The following AGAP1 variants were observed in gnomAD, a reference collection of about 807,000 sequenced individuals.
AGAP1 encodes ArfGAP with GTPase domain, ankyrin repeat and PH domain 1.
A neutral mutation model predicts 105.3 loss-of-function variants in AGAP1; 29 were observed. That is an observed-to-expected ratio of 0.28 (90% CI 0.21 to 0.38). AGAP1 has a LOEUF of 0.38. AGAP1 is among the 10% of genes least tolerant of loss of function. The pLI, the probability that AGAP1 is intolerant of heterozygous loss-of-function variation, is 1.00. For missense variants in AGAP1, 998 were observed against 1,165.1 expected (o/e 0.86, Z 2.09); for synonymous variants, 509 against 485.9 (o/e 1.05, Z -0.63).
chr2:236,108,211 A>G (rs1409513996), intron 16 of AGAP1, among the ~76,000 whole-genome samples: 2 of 152,200 alleles, frequency 1.3e-5, no homozygotes, highest in African/African-American at 4.8e-5. Flanking sequence ...GCCCGCTCGC[A>G]GTGGGCCGGG....
In AGAP1 at chr2:235,982,520, C is replaced by T. The variant is rs1006380500; in HGVS notation, c.1645+13897C>T. On this transcript the variant is annotated intron_variant, in intron 13 of 17. Transcript: ENST00000304032. The surrounding 1 kb of genome is among the most constrained non-coding windows in gnomAD (Gnocchi z 4.9). Reference sequence around the variant, plus strand: ...AAGAACTCATAAATGGTAAAAGTAACCTGTATTATCATTGGTTCTAGGGGA... The same window carrying T: ...AAGAACTCATAAATGGTAAAAGTAATCTGTATTATCATTGGTTCTAGGGGA... 6.6e-6 allele frequency among the ~76,000 whole-genome samples: 1 copy of T among 152,114 alleles called. No homozygotes were observed. Among genetic ancestry groups the T allele is most frequent in the Admixed American group, 6.6e-5 (1 of 15,262 alleles).
At chr2:235,564,030 C>A (rs1051919817) in intron 1 of AGAP1, among the ~76,000 whole-genome samples, 1 of 152,090 alleles carries the variant, frequency 6.6e-6, no homozygotes, top group Non-Finnish European at 1.5e-5. Context: ...TGTGTCATGG[C>A]GAGTATGTGG....
intron 1 of AGAP1, among the ~76,000 whole-genome samples, chr2:235,708,542 C>G (rs1181077531): frequency 6.6e-6 from 1 of 152,170 alleles, no homozygotes; most frequent in East Asian, 1.9e-4. Context: ...CTCCATCTTT[C>G]TGACATAGTC....
At chr2:235,762,168 T>C (rs1258057703) in intron 6 of AGAP1, among the ~76,000 whole-genome samples, 1 of 152,114 alleles carries the variant, frequency 6.6e-6, no homozygotes, top group Non-Finnish European at 1.5e-5. Flanking sequence ...GGTCCTTTTT[T>C]CTAAGTAAAC....
Position 236,053,783 on chromosome 2 carries a change from T to C in AGAP1, c.2114+4502T>C, listed in dbSNP as rs1340749899. 1.3e-5 allele frequency among the ~76,000 whole-genome samples: 2 copies of C among 152,268 alleles called. No homozygotes were observed. On this transcript the variant is annotated intron_variant, in intron 16 of 17. Transcript: ENST00000304032. The surrounding 1 kb of genome is among the most constrained non-coding windows in gnomAD (Gnocchi z 4.6). ...ATCAAAGGAACCTGGAAGTGGAGAA[T>C]AGTGTTTTCAATTCCGTGAAAGAGC... is the stretch of plus-strand genomic sequence containing the variant.
chr2:235,995,655 G>C (rs1248730090), intron 13 of AGAP1, among the ~76,000 whole-genome samples: 2 of 152,200 alleles, frequency 1.3e-5, no homozygotes, highest in African/African-American at 4.8e-5. Flanking sequence ...GCTTGACACT[G>C]CGGGTCCGAT....
chr2:236,062,642 T>TTTTGTTTGTTTG lies in AGAP1; in HGVS notation c.2114+13373_2114+13384dup, dbSNP rs139155402. 4.6e-5 allele frequency among the ~76,000 whole-genome samples: 7 copies of TTTTGTTTGTTTG among 151,356 alleles called. No homozygotes were observed. The highest frequency in any genetic ancestry group is 3.3e-4 in the Admixed American group (5 of 15,200). On this transcript the variant is annotated intron_variant, in intron 16 of 17. Transcript: ENST00000304032. This position sits in a 1 kb window ranked among gnomAD's most constrained non-coding sequence, Gnocchi z 4.2. ...AGCCACATGCCTCCACACTCAGCTA[T>TTTTGTTTGTTTG]TTTGTTTGTTTGTTTGTTTGTTTTT...
rs1367637700 is a variant in AGAP1 at position 235,556,747 on chromosome 2, T to C, written c.163+61898T>C. ...GTACAGTAAGATGAATATTAAACTT[T>C]TCAGACTGTAAGATCGTGAATCTGA... is the stretch of plus-strand genomic sequence containing the variant. On this transcript the variant is annotated intron_variant, in intron 1 of 17. Transcript: ENST00000304032. This position sits in a 1 kb window ranked among gnomAD's most constrained non-coding sequence, Gnocchi z 5.3. Among the ~76,000 whole-genome samples, 1 of 152,250 alleles carries C rather than the reference T, an allele frequency of 6.6e-6. No individual in the cohort carries two copies. The highest frequency in any genetic ancestry group is 2.4e-5 in the African/African-American group (1 of 41,474).
intron 10 of AGAP1, among the ~76,000 whole-genome samples, chr2:235,894,504 C>G (rs2050704768): frequency 6.6e-6 from 1 of 152,146 alleles, no homozygotes; most frequent in South Asian, 2.1e-4. Context: ...TCTGCCTCTT[C>G]CCAAGATAGG....
At chr2:235,849,652 TGG>T (rs1491088871) in intron 9 of AGAP1, among the ~76,000 whole-genome samples, 3 of 112,194 alleles carry the variant, frequency 2.7e-5, no homozygotes, top group Non-Finnish European at 4.2e-5. Flanking sequence ...ATGCTAGGCC[TGG>T]ATAAGGGTTG....
chr2:235,534,429 A>T (rs72984691), intron 1 of AGAP1, among the ~76,000 whole-genome samples: 11,277 of 152,206 alleles, frequency 0.074, 584 homozygotes, highest in Non-Finnish European at 0.11. Context: ...ACCTAAAAAA[A>T]ATACAGTGGC....
At chr2:235,684,101 G>T (rs1035636601) in intron 1 of AGAP1, among the ~76,000 whole-genome samples, 6 of 152,086 alleles carry the variant, frequency 3.9e-5, no homozygotes, top group African/African-American at 1.2e-4. Flanking sequence ...GAATGCAGTC[G>T]CACGATCTCG....
rs1016379157 is a variant in AGAP1, at chr2:235,982,229, T to G, written c.1645+13606T>G. ...GACAAGTAAATCCATTTCTCACATT[T>G]AAAGAGAATCAAAGAGTCAGTAAAC... On this transcript the variant is annotated intron_variant, in intron 13 of 17. Transcript: ENST00000304032. The surrounding 1 kb of genome is among the most constrained non-coding windows in gnomAD (Gnocchi z 4.9). 6.6e-6 allele frequency among the ~76,000 whole-genome samples: 1 copy of G among 152,160 alleles called. No homozygotes were observed. The highest frequency in any genetic ancestry group is 1.5e-5 in the Non-Finnish European group (1 of 68,026).
Position 235,792,013 on chromosome 2 carries a change from A to G in AGAP1, c.674-5746A>G, listed in dbSNP as rs1295595590. Among the ~76,000 whole-genome samples, 6 of 152,204 alleles carry G rather than the reference A, an allele frequency of 3.9e-5. No homozygotes were observed. The highest frequency in any genetic ancestry group is 2.0e-4 in the Admixed American group (3 of 15,284). On this transcript the variant is annotated intron_variant, in intron 6 of 17. Coordinates refer to ENST00000304032, the MANE Select transcript of AGAP1 (RefSeq NM_001037131.3). This position sits in a 1 kb window ranked among gnomAD's most constrained non-coding sequence, Gnocchi z 5.3. ...TCATGTGAATTTCATCAGTGTGTCT[A>G]TGGTGAGCATTTAAAATACGGTTTT...
rs555569265 is a variant in AGAP1, at chr2:235,801,219, CT to C, written c.957+1698del. Among the ~76,000 whole-genome samples the C allele has an allele frequency of 4.1e-4, 62 of 152,290 alleles. 2 individuals are homozygous for C. The East Asian group carries it at 6.4e-3, about 16-fold the overall frequency. On this transcript the variant is annotated intron_variant, in intron 8 of 17. Transcript: ENST00000304032. This position sits in a 1 kb window ranked among gnomAD's most constrained non-coding sequence, Gnocchi z 6.0. Reference sequence around the variant, plus strand: ...GACCAAGCTCCCATCCCGGCCTCCGCTGCTGACGGATGTTTGACCTTAGGCA... The same window carrying C: ...GACCAAGCTCCCATCCCGGCCTCCGCGCTGACGGATGTTTGACCTTAGGCA...
chr2:235,704,570 C>T (rs910937547), intron 1 of AGAP1, among the ~76,000 whole-genome samples: 1 of 152,174 alleles, frequency 6.6e-6, no homozygotes, highest in Non-Finnish European at 1.5e-5. Context: ...CTCTTGAACT[C>T]GGGAGGTGGA....
Position 235,777,055 on chromosome 2 carries a change from A to AG in AGAP1, c.674-20702dup, listed in dbSNP as rs1377809978. ...CCAGGCTGGATCCTGCAGAGAAACG[A>AG]GGAAGTATTAGACAGAAGTGATGCT... On this transcript the variant is annotated intron_variant, in intron 6 of 17. Coordinates refer to ENST00000304032, the MANE Select transcript of AGAP1 (RefSeq NM_001037131.3). The surrounding 1 kb of genome is among the most constrained non-coding windows in gnomAD (Gnocchi z 5.1). The AG allele has an allele frequency of 1.1e-5, 5 of 471,146 alleles. No individual in the cohort carries two copies. The East Asian group carries it at 2.8e-4, about 26-fold the overall frequency. The allele number at this position is 471,146 out of a possible 1,614,324, so 29.2% of individuals were successfully genotyped here.
chr2:235,629,004 G>A (rs1004834949), intron 1 of AGAP1, among the ~76,000 whole-genome samples: 2 of 152,056 alleles, frequency 1.3e-5, no homozygotes, highest in African/African-American at 2.4e-5. Flanking sequence ...TAGAGACGGG[G>A]TTTCACCATA....
In AGAP1 at chr2:235,716,726, C is replaced by G. The variant is rs959245541; in HGVS notation, c.223-831C>G. On this transcript the variant is annotated intron_variant, in intron 2 of 17. Transcript: ENST00000304032. This position sits in a 1 kb window ranked among gnomAD's most constrained non-coding sequence, Gnocchi z 4.0. The stretch of plus-strand genomic sequence containing the variant: ...ATGGGGGGTATCCAGCTCCCAAGCA[C>G]AGGGAAAGGGAGGCTCCCTGTAGGA... Among the ~76,000 whole-genome samples, 6 of 151,998 alleles carry G rather than the reference C, an allele frequency of 3.9e-5. No individual in the cohort carries two copies. Among genetic ancestry groups the G allele is most frequent in the African/African-American group, 1.2e-4 (5 of 41,370 alleles).
Sources: gnomAD v4.1 joint callset for allele counts (sites outside exome capture counted in the v4.1 genomes callset) on GRCh38, gnomAD v4.1.1 for gene constraint, Gnocchi (gnomAD v3.1) non-coding constraint, MANE v1.5 for transcripts, NCBI Gene and HGNC (gene_info 2026-07-23, HGNC 2026-07-21) for gene names.